ZFP14: variants seen among roughly 807,000 people sequenced by gnomAD.
ZFP14 encodes ZFP14 zinc finger protein.
A neutral mutation model predicts 54.5 loss-of-function variants in ZFP14; 22 were observed. That is an observed-to-expected ratio of 0.40 (90% CI 0.29 to 0.58). ZFP14 has a LOEUF of 0.58. Among genes scored for constraint, ZFP14 ranks in the 20% least tolerant of loss-of-function variants. The probability of loss-of-function intolerance (pLI) is 0.39; values close to 1 mark genes in which losing one functional copy is unlikely to be tolerated. For missense variants in ZFP14, 470 were observed against 637.8 expected (o/e 0.74, Z 2.83); for synonymous variants, 159 against 204.0 (o/e 0.78, Z 1.88).
intron 4 of ZFP14, chr19:36,360,189 T>C: frequency 3.3e-6 from 1 of 300,972 alleles, no homozygotes; most frequent in Middle Eastern, 9.4e-4. Context: ...GGAATAGTTC[T>C]TCTCTTTAAA....
At chr19:36,374,658 T>C (rs569289573) in intron 1 of ZFP14, among the ~76,000 whole-genome samples, 4 of 152,190 alleles carry the variant, frequency 2.6e-5, no homozygotes, top group Non-Finnish European at 5.9e-5. Context: ...AAAAATGATG[T>C]TGCCTTAATT....
rs2145538049 is a variant in ZFP14 at position 36,340,487 on chromosome 19, T to C, written c.1339A>G (p.Thr447Ala). 6.2e-7 allele frequency: 1 copy of C among 1,613,932 alleles called. No homozygotes were observed. Among genetic ancestry groups the C allele is most frequent in the Non-Finnish European group, 8.5e-7 (1 of 1,179,822 alleles). Residue 447 changes from threonine to alanine, a missense_variant, in exon 5 of 5, where the codon ACT becomes GCT. Transcript: ENST00000270001. The surrounding 1 kb of genome is among the most constrained non-coding windows in gnomAD (Gnocchi z 5.4). ...TTACATTCATAAGGTTTCTCACCAG[T>C]GTGAATACTTTGATGCTGAGTAAGT... ...SQLTQHQSIH[T>A]GEKPYECKEC...
At chr19:36,344,247 T>G (rs918497801) in intron 4 of ZFP14, among the ~76,000 whole-genome samples, 4 of 152,142 alleles carry the variant, frequency 2.6e-5, no homozygotes, top group African/African-American at 7.2e-5. Flanking sequence ...TCAGATGATC[T>G]GCCCGCCTCG....
intron 1 of ZFP14, among the ~76,000 whole-genome samples, chr19:36,369,791 A>T (rs1865134973): frequency 6.6e-6 from 1 of 151,676 alleles, no homozygotes; most frequent in Admixed American, 6.6e-5. Flanking sequence ...TCTGATCATC[A>T]GCAATTCACT....
At chr19:36,346,303 T>C (rs1017715676) in intron 4 of ZFP14, among the ~76,000 whole-genome samples, 1 of 151,730 alleles carries the variant, frequency 6.6e-6, no homozygotes, top group Non-Finnish European at 1.5e-5. Flanking sequence ...CCCAGGTTGT[T>C]TGGAAAACAA....
intron 2 of ZFP14, among the ~76,000 whole-genome samples, chr19:36,367,323 T>A (rs2031809858): frequency 6.6e-6 from 1 of 152,132 alleles, no homozygotes; most frequent in South Asian, 2.1e-4. Flanking sequence ...CTGCAGAGAA[T>A]GCCTTCAATT....
At chr19:36,363,824 T>C (rs1045961192) in intron 2 of ZFP14, among the ~76,000 whole-genome samples, 3 of 151,894 alleles carry the variant, frequency 2.0e-5, no homozygotes, top group Non-Finnish European at 4.4e-5. Flanking sequence ...ACCCTGTCTC[T>C]ACTAAAAACA....
intron 4 of ZFP14, among the ~76,000 whole-genome samples, chr19:36,347,319 A>T (rs1323491057): frequency 1.3e-5 from 2 of 152,190 alleles, no homozygotes; most frequent in Non-Finnish European, 2.9e-5. Context: ...GTATAGAAAA[A>T]GTATTCAAGG....
At chr19:36,375,688 G>A (rs1407711588) in intron 1 of ZFP14, among the ~76,000 whole-genome samples, 1 of 151,904 alleles carries the variant, frequency 6.6e-6, no homozygotes, top group Admixed American at 6.6e-5. Flanking sequence ...CTCCCGAGTA[G>A]CTGGGACTAC....
At position 36,340,481 on chromosome 19, in the gene ZFP14, C is replaced by T. The variant is rs1419565190; in HGVS notation, c.1345G>A (p.Glu449Lys). 6.2e-7 allele frequency: 1 copy of T among 1,613,780 alleles called. No individual in the cohort carries two copies. The highest frequency in any genetic ancestry group is 1.3e-5 in the African/African-American group (1 of 74,922). The change falls in exon 5 of 5, where the codon GAG becomes AAG. Residue 449 changes from glutamate to lysine, a missense_variant. Physicochemically the swap from Glu to Lys is moderately conservative, Grantham distance 56 (BLOSUM62 1). Transcript: ENST00000270001. The surrounding 1 kb of genome is among the most constrained non-coding windows in gnomAD (Gnocchi z 5.4). Reference sequence around the variant, plus strand: ...CATTCCTTACATTCATAAGGTTTCTCACCAGTGTGAATACTTTGATGCTGA... The same window carrying T: ...CATTCCTTACATTCATAAGGTTTCTTACCAGTGTGAATACTTTGATGCTGA... Reference protein sequence around the residue: ...LTQHQSIHTGEKPYECKECRK... With the variant: ...LTQHQSIHTGKKPYECKECRK...
intron 4 of ZFP14, among the ~76,000 whole-genome samples, chr19:36,354,370 C>CA (rs58651628): frequency 0.53 from 51,985 of 98,792 alleles, 14,887 homozygotes; most frequent in Admixed American, 0.61. Flanking sequence ...GATTCCATCT[C>CA]AAAAAAAAAA....
At chr19:36,343,944 G>A (rs1282621810) in intron 4 of ZFP14, among the ~76,000 whole-genome samples, 1 of 152,182 alleles carries the variant, frequency 6.6e-6, no homozygotes, top group African/African-American at 2.4e-5. Flanking sequence ...TGGGGATTAA[G>A]TTTCAACATG....
chr19:36,372,116 A>AAAGGAAGG (rs1049187381), intron 1 of ZFP14, among the ~76,000 whole-genome samples: 2 of 150,764 alleles, frequency 1.3e-5, no homozygotes, highest in African/African-American at 4.9e-5. Context: ...AGGAAGGAAG[A>AAAGGAAGG]AAGGAAGGAA....
rs58770091 is a variant in ZFP14, at chr19:36,352,054, A to G, written c.235+8381T>C. 5.3e-3 allele frequency among the ~76,000 whole-genome samples: 742 copies of G among 139,740 alleles called. 80 individuals carry two copies. The highest frequency in any genetic ancestry group is 0.019 in the African/African-American group (710 of 38,022). The allele number at this position is 139,740 out of a possible 152,430, so 91.7% of individuals were successfully genotyped here. On this transcript the variant is annotated intron_variant, in intron 4 of 4. Transcript: ENST00000270001. Reference sequence around the variant, plus strand: ...AAAAAATTAGCGGGGCGTGGTGGTGAGCGCCTGTAGTCCCAGCTACTCGGG... The same window carrying G: ...AAAAAATTAGCGGGGCGTGGTGGTGGGCGCCTGTAGTCCCAGCTACTCGGG...
At chr19:36,345,019 T>C (rs2031388353) in intron 4 of ZFP14, among the ~76,000 whole-genome samples, 1 of 152,206 alleles carries the variant, frequency 6.6e-6, no homozygotes, top group Admixed American at 6.5e-5. Context: ...TCCCAGCACT[T>C]TGGGAGGCCG....
At chr19:36,363,744 C>CT (rs752456544) in intron 2 of ZFP14, among the ~76,000 whole-genome samples, 2 of 151,964 alleles carry the variant, frequency 1.3e-5, no homozygotes, top group Non-Finnish European at 2.9e-5. Context: ...AATCCCAGCA[C>CT]TTTGGGAGGC....
In ZFP14 at chr19:36,340,448, G is replaced by T. The variant is rs1485484685; in HGVS notation, c.1378C>A (p.Pro460Thr). The T allele has an allele frequency of 2.5e-6, 4 of 1,612,740 alleles. No individual in the cohort carries two copies. The highest frequency in any genetic ancestry group is 3.4e-6 in the Non-Finnish European group (4 of 1,179,172). The change falls in exon 5 of 5, where the codon CCT becomes ACT. Residue 460 changes from proline to threonine, a missense_variant. Pro to Thr is a conservative substitution (Grantham distance 38). Transcript: ENST00000270001. This position sits in a 1 kb window ranked among gnomAD's most constrained non-coding sequence, Gnocchi z 5.4. The part of the protein sequence containing the change: ...KPYECKECRK[P>T]FRLLSQLTQH... ...GTAAGTTGTGAGAGCAGTCTAAAAG[G>T]TTTTCTACATTCCTTACATTCATAA...
chr19:36,370,465 C>T (rs1342028153), intron 1 of ZFP14, among the ~76,000 whole-genome samples: 1 of 152,240 alleles, frequency 6.6e-6, no homozygotes, highest in East Asian at 1.9e-4. Context: ...TGATGAACTC[C>T]ATCTCCAGGC....
chr19:36,362,263 C>T, intron 2 of ZFP14, 25 bp from the exon 3 acceptor site: 6 of 1,574,208 alleles, frequency 3.8e-6, no homozygotes, highest in Non-Finnish European at 5.1e-6. Context: ...TCAGGTATTA[C>T]TTGTGAAAAT....
Sources: gnomAD v4.1 joint callset for allele counts (sites outside exome capture counted in the v4.1 genomes callset) on GRCh38, gnomAD v4.1.1 for gene constraint, Gnocchi (gnomAD v3.1) non-coding constraint, MANE v1.5 for transcripts, NCBI Gene and HGNC (gene_info 2026-07-23, HGNC 2026-07-21) for gene names.